Variants in ZMYND12 observed in about 807,000 individuals in gnomAD.
ZMYND12 encodes the protein zinc finger MYND-type containing 12.
Under a neutral mutation model 41.7 loss-of-function variants are expected in ZMYND12, and 32 were observed. The observed-to-expected ratio is 0.77, with a 90% confidence interval of 0.58 to 1.03. ZMYND12 has a LOEUF of 1.03. Ranked by LOEUF, ZMYND12 falls within the 50% of genes least tolerant of loss-of-function variation. The pLI is 0.00. For synonymous variants in ZMYND12, 148 were observed against 164.8 expected (o/e 0.90, Z 0.78); for missense variants, 424 against 438.5 (o/e 0.97, Z 0.30).
chr1:42,433,023 G>T, intron 7 of ZMYND12, 120 bp downstream of exon 7: 1 of 1,267,486 alleles, frequency 7.9e-7, no homozygotes, highest in Non-Finnish European at 1.1e-6. Flanking sequence ...GAACCTCTTT[G>T]GAGTGAGGGC....
Position 42,450,005 on chromosome 1 carries a change from C to G in ZMYND12, c.165G>C (p.Gln55His). ...DWDSIHEKIC[Q>H]LLIPLRTSMP... Reference sequence around the variant, plus strand: ...TGGAAGTGCGCAGTGGAATCAAGAGCTGACATATTTTCTCATGGATGCTGT... The same window carrying G: ...TGGAAGTGCGCAGTGGAATCAAGAGGTGACATATTTTCTCATGGATGCTGT... Residue 55 changes from glutamine to histidine, a missense_variant, in exon 2 of 8, where the codon CAG becomes CAC. Transcript: ENST00000372565. 6.2e-7 allele frequency: 1 copy of G among 1,613,980 alleles called. No homozygotes were observed. Among genetic ancestry groups the G allele is most frequent in the Non-Finnish European group, 8.5e-7 (1 of 1,180,036 alleles).
chr1:42,448,399 G>T, intron 3 of ZMYND12, 68 bp downstream of exon 3: 1 of 1,431,094 alleles, frequency 7.0e-7, no homozygotes, highest in South Asian at 1.5e-5. Flanking sequence ...GTGACTCTTT[G>T]ATCATTGGTG....
chr1:42,441,651 T>C (rs966057709), intron 3 of ZMYND12, among the ~76,000 whole-genome samples: 4 of 152,090 alleles, frequency 2.6e-5, no homozygotes, highest in East Asian at 3.9e-4. Flanking sequence ...GACGGAGTCT[T>C]GCTCTGTCGC....
intron 7 of ZMYND12, chr1:42,432,855 C>T (rs1241744467): frequency 1.6e-5 from 5 of 317,186 alleles, no homozygotes; most frequent in East Asian, 6.6e-5. Context: ...CTACTTCATC[C>T]ATCCAAGGCT....
intron 7 of ZMYND12, 153 bp downstream of exon 7, chr1:42,432,990 C>A: frequency 2.2e-6 from 2 of 903,528 alleles, no homozygotes; most frequent in South Asian, 1.7e-5. Flanking sequence ...AGACTCAACA[C>A]AGGAGAAACA....
At chr1:42,432,060 C>CTTTTTTTT (rs111394001) in intron 7 of ZMYND12, among the ~76,000 whole-genome samples, 6 of 132,964 alleles carry the variant, frequency 4.5e-5, no homozygotes, top group Non-Finnish European at 7.8e-5. Context: ...TTTTCTTTTT[C>CTTTTTTTT]TTTTTTTTTT....
intron 7 of ZMYND12, among the ~76,000 whole-genome samples, chr1:42,431,700 C>T (rs145891822): frequency 2.0e-5 from 3 of 152,214 alleles, no homozygotes; most frequent in Admixed American, 6.5e-5. Context: ...GACATTGCAC[C>T]GTAGAAATGA....
At chr1:42,448,199 C>T (rs1018682768) in intron 3 of ZMYND12, among the ~76,000 whole-genome samples, 2 of 152,182 alleles carry the variant, frequency 1.3e-5, no homozygotes, top group African/African-American at 4.8e-5. Flanking sequence ...ATTCTAGTCC[C>T]TCATGAAGCC....
chr1:42,449,222 T>C (rs1024331780), intron 2 of ZMYND12, among the ~76,000 whole-genome samples: 8 of 152,222 alleles, frequency 5.3e-5, no homozygotes, highest in African/African-American at 1.9e-4. Context: ...CTCAACACTA[T>C]ACATAATAAT....
chr1:42,432,135 C>A (rs761648862), intron 7 of ZMYND12, among the ~76,000 whole-genome samples: 3 of 150,840 alleles, frequency 2.0e-5, no homozygotes, highest in Admixed American at 6.6e-5. Context: ...CGGCTCACTG[C>A]AGCCTCAATC....
chr1:42,432,060 C>CTTTTTTTTTT (rs111394001), intron 7 of ZMYND12, among the ~76,000 whole-genome samples: 3 of 132,968 alleles, frequency 2.3e-5, no homozygotes, highest in Non-Finnish European at 4.7e-5. Context: ...TTTTCTTTTT[C>CTTTTTTTTTT]TTTTTTTTTT....
At chr1:42,449,890 T>TA (rs1364923271) in intron 2 of ZMYND12, 28 bp downstream of exon 2, 3 of 1,606,260 alleles carry the variant, frequency 1.9e-6, no homozygotes, top group Non-Finnish European at 2.5e-6. Flanking sequence ...ACCTACGACT[T>TA]AACCTTGGAA....
rs1642840032 is a variant in ZMYND12, at chr1:42,430,765, T to A, written c.1069A>T (p.Ile357Phe). 1 of 1,614,066 alleles carries A rather than the reference T, an allele frequency of 6.2e-7. No individual in the cohort carries two copies. Among genetic ancestry groups the A allele is most frequent in the African/African-American group, 1.3e-5 (1 of 74,924 alleles). Residue 357 changes from isoleucine (I) to phenylalanine (F), a missense_variant, in exon 8 of 8, where the codon ATT (isoleucine) becomes TTT (phenylalanine). By Grantham distance (21) the Ile-to-Phe change is conservative. Coordinates refer to ENST00000372565, the MANE Select transcript of ZMYND12 (RefSeq NM_032257.5). ...QSTIQELLSLISTEDHPIT is the reference protein window; with the variant it reads ...QSTIQELLSLFSTEDHPIT ...GTAATGGGATGGTCTTCAGTTGAAA[T>A]GAGACTTAATAACTCTTGAATGGTG...
In ZMYND12 at chr1:42,439,965, T is replaced by C. The variant is rs749162969; in HGVS notation, c.485A>G (p.Lys162Arg). 3.1e-6 allele frequency: 5 copies of C among 1,613,988 alleles called. No homozygotes were observed. In the East Asian group the frequency reaches 1.1e-4, roughly 36 times the overall value. The change falls in exon 4 of 8, where the codon AAA (lysine) becomes AGA (arginine). Residue 162 changes from lysine (K) to arginine (R), a missense_variant. By Grantham distance (26) the Lys-to-Arg change is conservative. Coordinates refer to ENST00000372565, the MANE Select transcript of ZMYND12 (RefSeq NM_032257.5). ...YLFQAQWTVL[K>R]STDCSNATHS... ...GGTGGCATTACTACAGTCAGTTGAT[T>C]TGAGGACTGTCCACTGGGCTTGGAA...
At chr1:42,436,327 T>G (rs1642907269) in intron 5 of ZMYND12, 94 bp downstream of exon 5, 15 of 1,550,832 alleles carry the variant, frequency 9.7e-6, no homozygotes, top group African/African-American at 1.4e-5. Flanking sequence ...CCTCTCTTTC[T>G]CATGAATGGT....
At chr1:42,433,422 C>G (rs1642875686) in intron 6 of ZMYND12, 134 bp from the exon 7 acceptor site, 1 of 1,067,326 alleles carries the variant, frequency 9.4e-7, no homozygotes, top group African/African-American at 1.6e-5. Context: ...GCACCAATTA[C>G]AGCAAGTTTT....
intron 3 of ZMYND12, among the ~76,000 whole-genome samples, chr1:42,444,689 C>T (rs1466518790): frequency 6.6e-6 from 1 of 152,076 alleles, no homozygotes; most frequent in African/African-American, 2.4e-5. Context: ...AGAATAGACA[C>T]AGATCCAGTT....
rs145968691 is a variant in ZMYND12, at chr1:42,442,835, G to A, written c.425-2810C>T. 4.0e-3 allele frequency among the ~76,000 whole-genome samples: 603 copies of A among 152,250 alleles called. 3 individuals are homozygous for A. Among genetic ancestry groups the A allele is most frequent in the African/African-American group, 0.014 (575 of 41,554 alleles). The stretch of plus-strand genomic sequence containing the variant: ...AAGAAGGAAGTAACTTTGCCTGATG[G>A]AAGGTCAAAGTGCAAACTAAAATGG... On this transcript the variant is annotated intron_variant, in intron 3 of 7. Coordinates refer to ENST00000372565, the MANE Select transcript of ZMYND12 (RefSeq NM_032257.5).
At chr1:42,434,085 C>A (rs1446109304) in intron 6 of ZMYND12, among the ~76,000 whole-genome samples, 1 of 152,180 alleles carries the variant, frequency 6.6e-6, no homozygotes, top group African/African-American at 2.4e-5. Context: ...ACCCAGCTGT[C>A]CTCACCTCTT....
Sources: allele counts gnomAD v4.1 joint callset (sites outside exome capture counted in the v4.1 genomes callset), GRCh38; gene constraint gnomAD v4.1.1; transcripts MANE v1.5; gene names NCBI Gene and HGNC (gene_info 2026-07-23, HGNC 2026-07-21).